Variants in PASD1 observed in about 807,000 individuals in gnomAD.
PASD1 encodes PAS domain containing repressor 1, also known as circadian clock protein PASD1.
Under a neutral mutation model 58.8 loss-of-function variants are expected in PASD1, and 13 were observed. The ratio of observed to expected loss-of-function variants is 0.22; its 90% CI spans 0.14 to 0.35. PASD1 has a LOEUF of 0.35. Among genes scored for constraint, PASD1 ranks in the 10% least tolerant of loss-of-function variants. The probability of loss-of-function intolerance (pLI) is 1.00; values close to 1 mark genes in which losing one functional copy is unlikely to be tolerated. For missense variants in PASD1, 734 were observed against 568.3 expected, an observed-to-expected ratio of 1.29 and a Z score of -2.96; for synonymous variants, 236 against 216.7, an observed-to-expected ratio of 1.09 and a Z score of -0.78.
At chrX:151,590,666 C>T (rs1007234585) in intron 1 of PASD1, among the ~76,000 whole-genome samples, 7 of 111,339 alleles carry the variant, frequency 6.3e-5, no homozygotes, top group African/African-American at 9.8e-5. Flanking sequence ...CTGCAACCTC[C>T]GCCTCCCAGG....
At chrX:151,638,640 CT>C (rs1426426990) in intron 8 of PASD1, among the ~76,000 whole-genome samples, 1 of 110,962 alleles carries the variant, frequency 9.0e-6, no homozygotes, top group Non-Finnish European at 1.9e-5. Flanking sequence ...AAGTCTGGGG[CT>C]TCTATTTTCA....
At chrX:151,655,840 CAGA>C (rs2014232901) in intron 9 of PASD1, among the ~76,000 whole-genome samples, 1 of 111,965 alleles carries the variant, frequency 8.9e-6, no homozygotes, top group Non-Finnish European at 1.9e-5. Context: ...TTTTGCTGTG[CAGA>C]AGCTCTTTAG....
chrX:151,564,271 C>T (rs989219610), intron 1 of PASD1, among the ~76,000 whole-genome samples: 1 of 112,627 alleles, frequency 8.9e-6, no homozygotes, highest in Admixed American at 9.3e-5. Context: ...GTCTCCATTA[C>T]CACAGTCGGG....
chrX:151,607,321 G>A (rs2013500863), intron 3 of PASD1, among the ~76,000 whole-genome samples: 1 of 111,564 alleles, frequency 9.0e-6, no homozygotes, highest in African/African-American at 3.3e-5. Flanking sequence ...TTTTACTTCT[G>A]TATTCTTGTT....
At chrX:151,564,295 G>C (rs188664034) in intron 1 of PASD1, among the ~76,000 whole-genome samples, 4 of 112,389 alleles carry the variant, frequency 3.6e-5, no homozygotes, top group African/African-American at 9.7e-5. Context: ...GGTGTGCTGG[G>C]GTGGGCGCGT....
At chrX:151,647,862 T>C (rs976928313) in intron 8 of PASD1, among the ~76,000 whole-genome samples, 1 of 111,349 alleles carries the variant, frequency 9.0e-6, no homozygotes. Context: ...GTCTTCTGAA[T>C]ATGCTTGGAA....
chrX:151,581,978 TCTTTTTC>T (rs2013102578), intron 1 of PASD1, among the ~76,000 whole-genome samples: 1 of 86,563 alleles, frequency 1.2e-5, no homozygotes, highest in South Asian at 6.8e-4. Context: ...CTTTTTTTTT[TCTTTTTC>T]CTTTTTTTTT....
intron 8 of PASD1, among the ~76,000 whole-genome samples, chrX:151,646,727 G>A (rs918762349): frequency 1.8e-5 from 2 of 112,204 alleles, no homozygotes; most frequent in African/African-American, 6.5e-5. Flanking sequence ...TGTCAATCCA[G>A]GCAGACTTGG....
Position 151,583,003 on chromosome X carries a change from G to A in PASD1, c.-27-18524G>A, listed in dbSNP as rs1301245697. ...CAAGGGAACCAGAATTGGGAGAAAT[G>A]TGGGATGTTCGTGCTTAGTCCTAGT... On this transcript the variant is annotated intron_variant, in intron 1 of 15. Coordinates refer to ENST00000370357, the MANE Select transcript of PASD1 (RefSeq NM_173493.3). 2.7e-5 allele frequency among the ~76,000 whole-genome samples: 3 copies of A among 112,032 alleles called. No homozygotes were observed. In the Admixed American group the frequency reaches 2.8e-4, roughly 11 times the overall value.
At chrX:151,668,971 G>A (rs1438685130) in intron 11 of PASD1, among the ~76,000 whole-genome samples, 2 of 106,056 alleles carry the variant, frequency 1.9e-5, no homozygotes, top group African/African-American at 3.5e-5. Context: ...CTGGTCTCAA[G>A]CCTCAAGCAG....
chrX:151,590,430 C>G (rs2013228455), intron 1 of PASD1, among the ~76,000 whole-genome samples: 1 of 111,617 alleles, frequency 9.0e-6, no homozygotes, highest in Non-Finnish European at 1.9e-5. Context: ...CCTGGTTTCT[C>G]TCCTTCCACG....
chrX:151,593,996 C>T lies in PASD1; in HGVS notation c.-27-7531C>T, dbSNP rs184709232. ...TTATATTATTATTATTATTTTGAGA[C>T]GGAGTCTCACTCTGTCACCCAGGCT... On this transcript the variant is annotated intron_variant, in intron 1 of 15. Coordinates refer to ENST00000370357, the MANE Select transcript of PASD1 (RefSeq NM_173493.3). Among the ~76,000 whole-genome samples, 23 of 111,515 alleles carry T rather than the reference C, an allele frequency of 2.1e-4. No homozygotes were observed. The East Asian group carries it at 4.0e-3, about 19-fold the overall frequency.
At chrX:151,591,695 C>T (rs1011573338) in intron 1 of PASD1, among the ~76,000 whole-genome samples, 2 of 111,395 alleles carry the variant, frequency 1.8e-5, no homozygotes, top group East Asian at 5.6e-4. Context: ...AGTCCATTAG[C>T]AGTTAGGTGT....
chrX:151,565,235 C>G (rs1304742121), intron 1 of PASD1, among the ~76,000 whole-genome samples: 1 of 112,230 alleles, frequency 8.9e-6, no homozygotes, highest in African/African-American at 3.2e-5. Flanking sequence ...GGGGTAAAGA[C>G]ACTCAGGCAG....
chrX:151,589,468 T>C (rs2013216455), intron 1 of PASD1, among the ~76,000 whole-genome samples: 1 of 112,269 alleles, frequency 8.9e-6, no homozygotes, highest in African/African-American at 3.2e-5. Context: ...TTTATACTGC[T>C]ATTAACAATC....
At chrX:151,611,305 GA>G (rs1252951522) in intron 3 of PASD1, among the ~76,000 whole-genome samples, 6 of 111,960 alleles carry the variant, frequency 5.4e-5, no homozygotes, top group Non-Finnish European at 1.1e-4. Flanking sequence ...AACCACAAAT[GA>G]AAGTGTCCTT....
intron 11 of PASD1, among the ~76,000 whole-genome samples, chrX:151,667,633 A>T (rs1254541399): frequency 8.9e-6 from 1 of 112,299 alleles, no homozygotes; most frequent in African/African-American, 3.2e-5. Context: ...TTTGTTAAAT[A>T]GGGAATCCTT....
rs187348276 is a variant in PASD1, at chrX:151,614,354, C to T, written c.207+2601C>T. Among the ~76,000 whole-genome samples, 331 of 111,396 alleles carry T rather than the reference C, an allele frequency of 3.0e-3. 1 individual carries two copies. The highest frequency in any genetic ancestry group is 0.01 in the African/African-American group (315 of 30,626). On this transcript the variant is annotated intron_variant, in intron 4 of 15. Transcript: ENST00000370357. ...AAAGGCCCCACCTCTTAATATAATA[C>T]CATCACATTGACAGCTAGATTACTT...
chrX:151,651,150 C>T (rs1484645448), intron 9 of PASD1, among the ~76,000 whole-genome samples: 1 of 111,859 alleles, frequency 8.9e-6, no homozygotes, highest in African/African-American at 3.3e-5. Context: ...ACACACAAGA[C>T]ATTAAGTGAG....
Sources: allele counts gnomAD v4.1 joint callset (sites outside exome capture counted in the v4.1 genomes callset), GRCh38; gene constraint gnomAD v4.1.1; transcripts MANE v1.5; gene names NCBI Gene and HGNC (gene_info 2026-07-23, HGNC 2026-07-21).